Variants in NRP2 observed in about 807,000 individuals in gnomAD.
The protein encoded by NRP2 is neuropilin 2, also known as neuropilin-2.
A neutral mutation model predicts 110.4 loss-of-function variants in NRP2; 52 were observed. The observed-to-expected ratio is 0.47, with a 90% confidence interval of 0.38 to 0.59. The LOEUF (loss-of-function observed/expected upper bound fraction) is 0.59. NRP2 is among the 20% of genes least tolerant of loss of function. NRP2 has a pLI of 0.00. For synonymous variants in NRP2, 508 were observed against 468.9 expected (o/e 1.08, Z -1.08); for missense variants, 1,049 against 1,203.0 (o/e 0.87, Z 1.89).
intron 1 of NRP2, among the ~76,000 whole-genome samples, chr2:205,697,312 CTG>C (rs3072627): frequency 0.64 from 88,269 of 137,582 alleles, 28,462 homozygotes; most frequent in East Asian, 0.8. Flanking sequence ...ATACTTTCAT[CTG>C]TGTGTGTGTG....
chr2:205,764,227 C>T, intron 13 of NRP2: 1 of 439,586 alleles, frequency 2.3e-6, no homozygotes, highest in South Asian at 2.4e-5. Flanking sequence ...CAAAGGGACA[C>T]AGAAGCCAGA....
At chr2:205,716,404 G>A (rs2056896539) in intron 3 of NRP2, 30 bp downstream of exon 3, 1 of 1,611,556 alleles carries the variant, frequency 6.2e-7, no homozygotes, top group Non-Finnish European at 8.5e-7. Context: ...GGGGCCGGGA[G>A]ATGGGCGTCT....
Position 205,769,539 on chromosome 2 carries a change from C to CACACACACAG in NRP2, c.2425+2737_2425+2738insCACACACAGA, listed in dbSNP as rs1386845022. Among the ~76,000 whole-genome samples the CACACACACAG allele has an allele frequency of 9.9e-5, 15 of 151,382 alleles. No individual in the cohort carries two copies. In the East Asian group the frequency reaches 2.7e-3, roughly 27 times the overall value. On this transcript the variant is annotated intron_variant, in intron 15 of 16. Coordinates refer to ENST00000357785, the MANE Select transcript of NRP2 (RefSeq NM_003872.3). ...ACACACACACACACACACACACACA[C>CACACACACAG]AGACACATTGTGTGCCAGGATGTGA...
chr2:205,749,229 G>A (rs1315288344), intron 10 of NRP2, among the ~76,000 whole-genome samples: 1 of 152,128 alleles, frequency 6.6e-6, no homozygotes, highest in Non-Finnish European at 1.5e-5. Flanking sequence ...AACCACGTCT[G>A]CTTTCCTCAC....
intron 6 of NRP2, among the ~76,000 whole-genome samples, chr2:205,726,871 G>A (rs527516186): frequency 1.3e-5 from 2 of 152,304 alleles, no homozygotes; most frequent in East Asian, 3.9e-4. Flanking sequence ...CAGACAACAG[G>A]AAAGGGAGAA....
intron 15 of NRP2, chr2:205,778,247 G>A (rs2058129573): frequency 6.6e-6 from 1 of 150,442 alleles, no homozygotes; most frequent in Non-Finnish European, 1.5e-5. Context: ...GGCTGCTTGG[G>A]AGAGACTTTC....
At chr2:205,736,109 A>C (rs1383991413) in intron 7 of NRP2, among the ~76,000 whole-genome samples, 1 of 152,206 alleles carries the variant, frequency 6.6e-6, no homozygotes, top group Non-Finnish European at 1.5e-5. Flanking sequence ...TGAGAGGTCA[A>C]GGCAGGTGTA....
At chr2:205,704,202 T>A (rs2105757753) in intron 2 of NRP2, among the ~76,000 whole-genome samples, 1 of 152,318 alleles carries the variant, frequency 6.6e-6, no homozygotes, top group South Asian at 2.1e-4. Flanking sequence ...ACTTTCTGAA[T>A]CCAAGTCTCT....
At chr2:205,726,915 G>C (rs948028509) in intron 6 of NRP2, among the ~76,000 whole-genome samples, 30 of 152,328 alleles carry the variant, frequency 2.0e-4, no homozygotes, top group Admixed American at 1.9e-3. Context: ...GTCCACAGAG[G>C]TTCTAACAGT....
rs375155400 is a variant in NRP2 at position 205,743,379 on chromosome 2, G to A, written c.1468G>A (p.Val490Ile). 1.1e-4 allele frequency: 171 copies of A among 1,614,236 alleles called. 4 individuals carry two copies. In the South Asian group the frequency reaches 1.2e-3, roughly 11 times the overall value. The change falls in exon 9 of 17, where the codon GTA becomes ATA. Residue 490 changes from valine (V) to isoleucine (I), a missense_variant. Val to Ile is a conservative substitution (Grantham distance 29). Coordinates refer to ENST00000357785, the MANE Select transcript of NRP2 (RefSeq NM_003872.3). ...CCAGCCCGGTGAGGAGTGGCTTCAGGTAGATCTGGGAACACCCAAGACAGT... is the reference window on the plus strand; with the variant it reads ...CCAGCCCGGTGAGGAGTGGCTTCAGATAGATCTGGGAACACCCAAGACAGT... ...QAQPGEEWLQ[V>I]DLGTPKTVKG...
At chr2:205,689,399 G>A (rs1345960515) in intron 1 of NRP2, among the ~76,000 whole-genome samples, 1 of 152,160 alleles carries the variant, frequency 6.6e-6, no homozygotes, top group Non-Finnish European at 1.5e-5. Context: ...AGATTATGTA[G>A]AATACTGTTT....
intron 15 of NRP2, chr2:205,777,211 T>A: frequency 1.1e-6 from 1 of 926,336 alleles, no homozygotes; most frequent in East Asian, 1.2e-4. Flanking sequence ...CCTAAAGAAA[T>A]AGAGGCCACA....
chr2:205,740,414 G>A (rs1449986430), intron 7 of NRP2, 105 bp from the exon 8 acceptor site: 2 of 1,260,654 alleles, frequency 1.6e-6, no homozygotes, highest in Non-Finnish European at 2.3e-6. Flanking sequence ...TAAGCTTGAG[G>A]GAAAGAAAAT....
chr2:205,714,551 T>C (rs750691507), intron 2 of NRP2, among the ~76,000 whole-genome samples: 2 of 152,186 alleles, frequency 1.3e-5, no homozygotes, highest in Admixed American at 6.5e-5. Flanking sequence ...GTCTTTTTAC[T>C]TTTGTTTTGG....
chr2:205,690,111 C>T (rs561026937), intron 1 of NRP2, among the ~76,000 whole-genome samples: 9 of 152,204 alleles, frequency 5.9e-5, no homozygotes, highest in Admixed American at 4.6e-4. Flanking sequence ...CCAGTTCTGG[C>T]GAGTCTTTCA....
chr2:205,683,435 G>T lies in NRP2; in HGVS notation c.73+72G>T, dbSNP rs574269731. 117 of 1,098,146 alleles carry T rather than the reference G, an allele frequency of 1.1e-4. 2 individuals are homozygous for T. In the East Asian group the frequency reaches 2.7e-3, roughly 26 times the overall value. 68.0% of individuals were successfully genotyped at this position (1,098,146 alleles called of 1,614,324 possible). On this transcript the variant is annotated intron_variant, in intron 1 of 16. Transcript: ENST00000357785. ...TTAAAAGTGACCGCTAAAGCAGGAA[G>T]GCCACGCAGAACGGCACAGAAGAAG...
chr2:205,772,852 C>A (rs2058043344), intron 15 of NRP2, among the ~76,000 whole-genome samples: 1 of 152,308 alleles, frequency 6.6e-6, no homozygotes, highest in South Asian at 2.1e-4. Flanking sequence ...AAAGTGGGCA[C>A]CTTTTTCTAA....
intron 1 of NRP2, among the ~76,000 whole-genome samples, 183 bp from the exon 2 acceptor site, chr2:205,697,361 G>C (rs1418438372): frequency 7.1e-6 from 1 of 140,884 alleles, no homozygotes. Context: ...GGTGGGTAGG[G>C]GGAGGGATGA....
At chr2:205,720,764 G>A (rs549795001) in intron 3 of NRP2, among the ~76,000 whole-genome samples, 1 of 152,312 alleles carries the variant, frequency 6.6e-6, no homozygotes, top group Non-Finnish European at 1.5e-5. Flanking sequence ...TCAGGAGTCC[G>A]AAGCCCAATC....
Sources: allele counts gnomAD v4.1 joint callset (sites outside exome capture counted in the v4.1 genomes callset), GRCh38; gene constraint gnomAD v4.1.1; transcripts MANE v1.5; gene names NCBI Gene and HGNC (gene_info 2026-07-23, HGNC 2026-07-21).